The following TLN1 variants were observed in gnomAD, a reference collection of about 807,000 sequenced individuals.
The protein encoded by TLN1 is talin-1.
In TLN1, 56 loss-of-function variants were observed where a neutral mutation model predicts 292.3. The observed-to-expected ratio is 0.19, with a 90% confidence interval of 0.15 to 0.24. The LOEUF (loss-of-function observed/expected upper bound fraction) is 0.24, where lower values mean the gene tolerates loss of function less well. Among genes scored for constraint, TLN1 ranks in the 10% least tolerant of loss-of-function variants. TLN1 has a pLI of 1.00. For synonymous variants in TLN1, 1,119 were observed against 1,253.7 expected (o/e 0.89, Z 2.27); for missense variants, 2,433 against 3,248.2 (o/e 0.75, Z 6.10).
chr9:35,698,234 C>T lies in TLN1; in HGVS notation c.7372-62G>A. Reference sequence around the variant, plus strand: ...GGTACGGTCCCAGTTGAGACAGTACCTCAATTCTCTCATAGAAACATACAT... The same window carrying T: ...GGTACGGTCCCAGTTGAGACAGTACTTCAATTCTCTCATAGAAACATACAT... On this transcript the variant is annotated intron_variant, in intron 55 of 56. Transcript: ENST00000314888. The surrounding 1 kb of genome is among the most constrained non-coding windows in gnomAD (Gnocchi z 5.3). 2 of 1,609,246 alleles carry T rather than the reference C, an allele frequency of 1.2e-6. No homozygotes were observed. Among genetic ancestry groups the T allele is most frequent in the South Asian group, 1.1e-5 (1 of 90,840 alleles).
intron 34 of TLN1, 56 bp downstream of exon 34, chr9:35,708,285 C>T (rs1825600298): frequency 9.9e-6 from 15 of 1,522,414 alleles, no homozygotes; most frequent in African/African-American, 2.8e-5. Context: ...CTCTACTCCA[C>T]GGGGTCGGTC....
Position 35,714,652 on chromosome 9 carries a change from G to A in TLN1, c.2907C>T (p.Gly969=), listed in dbSNP as rs376044144. ...VAEQIPLLVQ[G]VRGSQAQPDS... is the part of the protein sequence containing the mutation. The stretch of plus-strand genomic sequence containing the variant: ...CAGGCTGGGCTTGGCTTCCTCGGAC[G>A]CCCTGCACCAGCAGTGGAATCTGCT... Residue 969 remains glycine (G), a synonymous_variant, in exon 23 of 57, where the codon GGC becomes GGT. Transcript: ENST00000314888. The surrounding 1 kb of genome is among the most constrained non-coding windows in gnomAD (Gnocchi z 4.6). 90 of 1,613,906 alleles carry A rather than the reference G, an allele frequency of 5.6e-5. 1 individual carries two copies. In the Middle Eastern group the frequency reaches 6.6e-4, roughly 12 times the overall value.
Position 35,711,288 on chromosome 9 carries a change from G to C in TLN1, c.3986C>G (p.Pro1329Arg). 6.2e-7 allele frequency: 1 copy of C among 1,614,188 alleles called. No individual in the cohort carries two copies. The highest frequency in any genetic ancestry group is 8.5e-7 in the Non-Finnish European group (1 of 1,180,044). ...TGCAGCCAGCTGACTCTTGAGGTTA[G>C]GGGCAGCAGGGTCCGTGGACAGGGC... Reference protein sequence around the residue: ...AKALSTDPAAPNLKSQLAAAA... With the variant: ...AKALSTDPAARNLKSQLAAAA... Residue 1329 changes from proline to arginine, a missense_variant, in exon 30 of 57, where the codon CCT becomes CGT. Around this residue, in one of 7 missense-constraint regions of TLN1, gnomAD observed 1,384 missense variants for 1,699.6 expected, o/e 0.81. Coordinates refer to ENST00000314888, the MANE Select transcript of TLN1 (RefSeq NM_006289.4).
At chr9:35,713,373 G>A (rs1825711802) in intron 25 of TLN1, 75 bp from the exon 26 acceptor site, 1 of 1,195,028 alleles carries the variant, frequency 8.4e-7, no homozygotes, top group Non-Finnish European at 1.2e-6. Flanking sequence ...GGTACTTGGG[G>A]ACAGGTGGCA....
In TLN1 at chr9:35,714,528, A is replaced by C; in HGVS notation, c.2985+46T>G. Reference sequence around the variant, plus strand: ...CAAACTGTGGGAGATGGAAGCTTAGAAAGGTGGGAAGGTCAGGTCAGAGAA... The same window carrying C: ...CAAACTGTGGGAGATGGAAGCTTAGCAAGGTGGGAAGGTCAGGTCAGAGAA... On this transcript the variant is annotated intron_variant, in intron 23 of 56. Coordinates refer to ENST00000314888, the MANE Select transcript of TLN1 (RefSeq NM_006289.4). The surrounding 1 kb of genome is among the most constrained non-coding windows in gnomAD (Gnocchi z 4.6). 6.3e-7 allele frequency: 1 copy of C among 1,596,988 alleles called. No homozygotes were observed. Among genetic ancestry groups the C allele is most frequent in the Admixed American group, 1.7e-5 (1 of 59,758 alleles).
In TLN1 at chr9:35,719,213, T is replaced by C. The variant is rs1472529953; in HGVS notation, c.1757A>G (p.Glu586Gly). ...CAGCAGCTTCACCCCACGGGACATC[T>C]CCGTCAGGTTGGAGGAGATTGTGGT... is the stretch of plus-strand genomic sequence containing the variant. ...AVTTISSNLT[E>G]MSRGVKLLAA... Residue 586 changes from glutamate to glycine, a missense_variant, in exon 16 of 57, where the codon GAG becomes GGG. Transcript: ENST00000314888. This position sits in a 1 kb window ranked among gnomAD's most constrained non-coding sequence, Gnocchi z 4.6. 1 of 1,614,160 alleles carries C rather than the reference T, an allele frequency of 6.2e-7. No homozygotes were observed. Among genetic ancestry groups the C allele is most frequent in the Non-Finnish European group, 8.5e-7 (1 of 1,180,030 alleles).
In TLN1 at chr9:35,703,758, C is replaced by T. The variant is rs1338879426; in HGVS notation, c.6357+17G>A. The T allele has an allele frequency of 2.5e-6, 4 of 1,614,086 alleles. No homozygotes were observed. Among genetic ancestry groups the T allele is most frequent in the South Asian group, 2.2e-5 (2 of 91,086 alleles). On this transcript the variant is annotated intron_variant, in intron 47 of 56. Coordinates refer to ENST00000314888, the MANE Select transcript of TLN1 (RefSeq NM_006289.4). Reference sequence around the variant, plus strand: ...TAATCCAGTGCCCCTCCTGATGTTGCTCTCATTCTCTCCAACCTTGGCAGA... The same window carrying T: ...TAATCCAGTGCCCCTCCTGATGTTGTTCTCATTCTCTCCAACCTTGGCAGA...
At chr9:35,727,796 C>A (rs1322203797) in intron 1 of TLN1, among the ~76,000 whole-genome samples, 1 of 152,138 alleles carries the variant, frequency 6.6e-6, no homozygotes, top group African/African-American at 2.4e-5. Context: ...CTTAGACACC[C>A]CCTTCCTCCT....
intron 20 of TLN1, 77 bp from the exon 21 acceptor site, chr9:35,715,264 G>T: frequency 6.5e-7 from 1 of 1,543,712 alleles, no homozygotes; most frequent in Non-Finnish European, 8.7e-7. Flanking sequence ...CACTCCTCTA[G>T]ACTCAGTTTA....
chr9:35,706,910 C>A lies in TLN1; in HGVS notation c.4956-10G>T, dbSNP rs1463699449. On this transcript the variant is annotated splice_polypyrimidine_tract_variant and intron_variant, in intron 37 of 56. Coordinates refer to ENST00000314888, the MANE Select transcript of TLN1 (RefSeq NM_006289.4). The surrounding 1 kb of genome is among the most constrained non-coding windows in gnomAD (Gnocchi z 4.2). ...CCCTGGAGCCTTGTCCCTGCAGACA[C>A]ATCATGGGCTCCAACACCAAGAACA... 1.1e-4 allele frequency: 184 copies of A among 1,613,416 alleles called. No homozygotes were observed. The highest frequency in any genetic ancestry group is 1.5e-4 in the Non-Finnish European group (182 of 1,179,838).
chr9:35,705,496 C>CT (rs1172044404), intron 43 of TLN1, 55 bp downstream of exon 43: 9 of 1,520,800 alleles, frequency 5.9e-6, no homozygotes, highest in Non-Finnish European at 7.9e-6. Flanking sequence ...GCCCTAGACA[C>CT]TGACACATCA....
At chr9:35,703,477 G>T in intron 48 of TLN1, 83 bp downstream of exon 48, 2 of 1,269,250 alleles carry the variant, frequency 1.6e-6, no homozygotes, top group South Asian at 1.2e-5. Context: ...CTCCAGCTGT[G>T]AGTATATGTG....
At chr9:35,716,158 C>T (rs1825777515) in intron 20 of TLN1, among the ~76,000 whole-genome samples, 1 of 148,658 alleles carries the variant, frequency 6.7e-6, no homozygotes, top group African/African-American at 2.5e-5. Context: ...GAGTTTGAGA[C>T]CAGCCTGGGC....
chr9:35,725,435 G>A, intron 2 of TLN1, 114 bp from the exon 3 acceptor site: 1 of 1,530,872 alleles, frequency 6.5e-7, no homozygotes, highest in Non-Finnish European at 9.0e-7. Flanking sequence ...AAGAACGAGG[G>A]AACCATGGAA....
At chr9:35,721,827 G>T in intron 9 of TLN1, 24 bp from the exon 10 acceptor site, 2 of 1,603,658 alleles carry the variant, frequency 1.2e-6, no homozygotes, top group Non-Finnish European at 1.7e-6. Flanking sequence ...GTTGGTGTTG[G>T]TGTTACAGGT....
At chr9:35,701,290 A>AAT (rs1188019025) in intron 48 of TLN1, among the ~76,000 whole-genome samples, 9 of 152,140 alleles carry the variant, frequency 5.9e-5, no homozygotes, top group East Asian at 3.9e-4. Context: ...GACATAATCT[A>AAT]ATATATATAT....
chr9:35,730,283 G>A (rs774558098), intron 1 of TLN1, among the ~76,000 whole-genome samples: 2 of 152,092 alleles, frequency 1.3e-5, no homozygotes, highest in Non-Finnish European at 2.9e-5. Context: ...CCAGTGGCTG[G>A]GTCAGGCTGA....
chr9:35,727,022 G>T (rs1825989910), intron 1 of TLN1, among the ~76,000 whole-genome samples: 1 of 152,176 alleles, frequency 6.6e-6, no homozygotes, highest in Admixed American at 6.5e-5. Flanking sequence ...CAGAATACTA[G>T]TCCTACCCCA....
At position 35,705,647 on chromosome 9, in the gene TLN1, T is replaced by A; in HGVS notation, c.5637A>T (p.Pro1879=). The change falls in exon 43 of 57, where the codon CCA becomes CCT. Residue 1879 remains proline (P), a synonymous_variant. Transcript: ENST00000314888. The part of the protein sequence containing the change: ...QEMVTKSNTS[P]EELGPLANQL... ...GGTTAGCAAGAGGGCCCAGCTCCTCTGGGCTGGTGTTTGACTTGGTAACCT... is the reference window on the plus strand; with the variant it reads ...GGTTAGCAAGAGGGCCCAGCTCCTCAGGGCTGGTGTTTGACTTGGTAACCT... The A allele has an allele frequency of 6.2e-7, 1 of 1,610,548 alleles. No homozygotes were observed. Among genetic ancestry groups the A allele is most frequent in the Non-Finnish European group, 8.5e-7 (1 of 1,176,996 alleles).
Sources: allele counts gnomAD v4.1 joint callset (sites outside exome capture counted in the v4.1 genomes callset), GRCh38; gene constraint gnomAD v4.1.1; regional missense constraint gnomAD v4.1.1; non-coding constraint Gnocchi (gnomAD v3.1); transcripts MANE v1.5; gene names NCBI Gene and HGNC (gene_info 2026-07-23, HGNC 2026-07-21).